MTAP: variants seen among roughly 807,000 people sequenced by gnomAD.
The protein encoded by MTAP is methylthioadenosine phosphorylase, also known as S-methyl-5'-thioadenosine phosphorylase.
Under a neutral mutation model 33.6 loss-of-function variants are expected in MTAP, and 33 were observed. The ratio of observed to expected loss-of-function variants is 0.98; its 90% CI spans 0.74 to 1.31. The LOEUF (loss-of-function observed/expected upper bound fraction) is 1.31, where lower values mean the gene tolerates loss of function less well. MTAP is among the 40% of genes most tolerant of loss of function. MTAP has a pLI of 0.00. For synonymous variants in MTAP, 148 were observed against 125.7 expected, an observed-to-expected ratio of 1.18 and a Z score of -1.19; for missense variants, 367 against 360.0, an observed-to-expected ratio of 1.02 and a Z score of -0.16.
At chr9:21,899,457 GGAAAAGAAA>G (rs1818352874) in intron 1 of MTAP, among the ~76,000 whole-genome samples, 2 of 151,566 alleles carry the variant, frequency 1.3e-5, no homozygotes, top group African/African-American at 2.4e-5. Flanking sequence ...AAGGAAGGAA[GGAAAAGAAA>G]GAACTGCCCA....
downstream of MTAP, among the ~76,000 whole-genome samples, chr9:21,868,472 T>C (rs1027704083): frequency 1.3e-5 from 2 of 152,216 alleles, no homozygotes; most frequent in Non-Finnish European, 2.9e-5. Context: ...GTTTAGGGGC[T>C]GTCATTCTCT....
intron 1 of MTAP, among the ~76,000 whole-genome samples, chr9:21,891,710 C>T (rs1818202958): frequency 6.6e-6 from 1 of 152,134 alleles, no homozygotes; most frequent in South Asian, 2.1e-4. Context: ...TTTAATGAGA[C>T]TGTGCACAAA....
intron 1 of MTAP, among the ~76,000 whole-genome samples, chr9:21,804,338 A>G (rs1278328584): frequency 1.3e-5 from 2 of 152,238 alleles, no homozygotes; most frequent in Admixed American, 6.5e-5. Context: ...AAATGGAGAA[A>G]TGGTGTTTAA....
intron 1 of MTAP, among the ~76,000 whole-genome samples, chr9:21,920,431 G>T (rs1818769489): frequency 6.6e-6 from 1 of 152,084 alleles, no homozygotes; most frequent in South Asian, 2.1e-4. Context: ...AGGCACAGTT[G>T]TGAGCATGGG....
intron 1 of MTAP, among the ~76,000 whole-genome samples, chr9:21,812,539 C>G (rs149410018): frequency 1.3e-5 from 2 of 152,352 alleles, no homozygotes; most frequent in African/African-American, 4.8e-5. Context: ...ATTTCCTACA[C>G]AGTCTAGAAT....
intron 1 of MTAP, among the ~76,000 whole-genome samples, chr9:21,907,673 GT>G (rs58820590): frequency 4.0e-5 from 6 of 148,762 alleles, no homozygotes; most frequent in Admixed American, 6.7e-5. Flanking sequence ...CTGTGTGGGT[GT>G]TTTTTTTTTA....
chr9:21,909,749 A>C (rs1223380542), intron 1 of MTAP, among the ~76,000 whole-genome samples: 1 of 152,198 alleles, frequency 6.6e-6, no homozygotes, highest in Non-Finnish European at 1.5e-5. Context: ...TGTGCCAGAT[A>C]GTATGGCATT....
At chr9:21,861,928 G>C in intron 7 of MTAP, 48 bp from the exon 8 acceptor site, 1 of 1,046,890 alleles carries the variant, frequency 9.6e-7, no homozygotes, top group South Asian at 1.3e-5. Context: ...AAACATCTCA[G>C]TAATTACGCC....
Position 21,846,868 on chromosome 9 carries a change from T to C in MTAP, c.451-7763T>C, listed in dbSNP as rs1825397822. Among the ~76,000 whole-genome samples the C allele has an allele frequency of 2.6e-5, 4 of 152,202 alleles. No individual in the cohort carries two copies. The South Asian group carries it at 8.3e-4, about 32-fold the overall frequency. On this transcript the variant is annotated intron_variant, in intron 5 of 7. Coordinates refer to ENST00000644715, the MANE Select transcript of MTAP (RefSeq NM_002451.4). ...GACCAATGAGTGAATAAAGAAAATA[T>C]GGTATATATACAGCATGGGTGTGAT... is the stretch of plus-strand genomic sequence containing the variant.
At chr9:21,913,144 A>G (rs1296725820) in intron 1 of MTAP, among the ~76,000 whole-genome samples, 2 of 152,330 alleles carry the variant, frequency 1.3e-5, no homozygotes, top group East Asian at 1.9e-4. Context: ...ACAAACAAAT[A>G]GAAGAACATT....
At chr9:21,832,891 T>G (rs574542496) in intron 4 of MTAP, among the ~76,000 whole-genome samples, 9 of 152,322 alleles carry the variant, frequency 5.9e-5, no homozygotes, top group African/African-American at 2.2e-4. Flanking sequence ...ACATCTTCTA[T>G]CTACCTTATC....
rs541791365 is a variant in MTAP at position 21,840,141 on chromosome 9, G to A, written c.450+2131G>A. On this transcript the variant is annotated intron_variant, in intron 5 of 7. Transcript: ENST00000644715. ...CTTGGGAGGCTGAGGCAGGAGAATC[G>A]CTTGAACCTGGGAGGCAGAGCTTGC... Among the ~76,000 whole-genome samples, 104 of 151,920 alleles carry A rather than the reference G, an allele frequency of 6.8e-4. 1 individual carries two copies. The highest frequency in any genetic ancestry group is 2.4e-3 in the African/African-American group (100 of 41,440).
intron 1 of MTAP, among the ~76,000 whole-genome samples, chr9:21,910,608 A>C (rs1310742451): frequency 6.6e-6 from 1 of 152,230 alleles, no homozygotes; most frequent in Non-Finnish European, 1.5e-5. Flanking sequence ...ATAAAGTAAA[A>C]GAGACATGTA....
chr9:21,881,139 C>T lies in MTAP; in HGVS notation c.147+26269C>T, dbSNP rs543146221. Among the ~76,000 whole-genome samples, 23 of 152,000 alleles carry T rather than the reference C, an allele frequency of 1.5e-4. 1 individual carries two copies. In the South Asian group the frequency reaches 4.4e-3, roughly 29 times the overall value. ...AGTCAAATGATCTTCAACAAGGGTG[C>T]CAAAATCACTCAACAGGCAAAAGAC... On this transcript the variant is annotated intron_variant, in intron 1 of 1. Transcript: ENST00000577563.
downstream of MTAP, among the ~76,000 whole-genome samples, chr9:21,870,759 C>G (rs1300542052): frequency 6.7e-6 from 1 of 150,092 alleles, no homozygotes; most frequent in East Asian, 1.9e-4. Context: ...CATCTCAATT[C>G]AGAGGTTAAA....
Position 21,865,600 on chromosome 9 carries a change from C to G in MTAP, c.*3586C>G, listed in dbSNP as rs1327409569. On this transcript the variant is annotated 3_prime_UTR_variant, in exon 8 of 8. Transcript: ENST00000644715. ...ATAGTATAGAATAATTCAAGATAGG[C>G]AAGAAGGACAGCAGTAAATGAAGAC... 1 of 986,106 alleles carries G rather than the reference C, an allele frequency of 1.0e-6. No individual in the cohort carries two copies. Among genetic ancestry groups the G allele is most frequent in the Non-Finnish European group, 1.2e-6 (1 of 830,172 alleles). The allele number at this position is 986,106 out of a possible 1,614,324, so 61.1% of individuals were successfully genotyped here.
intron 1 of MTAP, among the ~76,000 whole-genome samples, chr9:21,911,409 C>T (rs951462471): frequency 6.6e-6 from 1 of 152,104 alleles, no homozygotes; most frequent in African/African-American, 2.4e-5. Flanking sequence ...TGTAAAAGAA[C>T]AGAAATTATA....
chr9:21,923,575 C>T (rs1342310514), intron 1 of MTAP, among the ~76,000 whole-genome samples: 1 of 152,136 alleles, frequency 6.6e-6, no homozygotes, highest in Non-Finnish European at 1.5e-5. Context: ...CCCACTTTCT[C>T]CTATAGCAGA....
At chr9:21,856,423 T>C in intron 6 of MTAP, among the ~76,000 whole-genome samples, 1 of 152,214 alleles carries the variant, frequency 6.6e-6, no homozygotes, top group East Asian at 1.9e-4. Flanking sequence ...TCGCAAATTA[T>C]TACATTAAGT....
Sources: gnomAD v4.1 joint callset for allele counts (sites outside exome capture counted in the v4.1 genomes callset) on GRCh38, gnomAD v4.1.1 for gene constraint, MANE v1.5 for transcripts, NCBI Gene and HGNC (gene_info 2026-07-23, HGNC 2026-07-21) for gene names.